ADGRL3: variants seen among roughly 807,000 people sequenced by gnomAD.
The protein encoded by ADGRL3 is calcium-independent alpha-latrotoxin receptor 3.
ADGRL3 carries 62 observed loss-of-function variants against 153.5 expected under a neutral mutation model. The ratio of observed to expected loss-of-function variants is 0.40; its 90% CI spans 0.33 to 0.50. ADGRL3 has a LOEUF of 0.50. Among genes scored for constraint, ADGRL3 ranks in the 20% least tolerant of loss-of-function variants. The pLI is 0.47. For synonymous variants in ADGRL3, 710 were observed against 672.5 expected, an observed-to-expected ratio of 1.06 and a Z score of -0.86; for missense variants, 1,641 against 1,859.4, an observed-to-expected ratio of 0.88 and a Z score of 2.16.
chr4:61,255,655 G>T (rs1285779696), intron 1 of ADGRL3, among the ~76,000 whole-genome samples: 1 of 152,028 alleles, frequency 6.6e-6, no homozygotes, highest in Non-Finnish European at 1.5e-5. Context: ...TTTTACAGAG[G>T]GGAAGCCAAG....
At chr4:61,570,202 C>A (rs1398882694) in intron 4 of ADGRL3, among the ~76,000 whole-genome samples, 1 of 151,984 alleles carries the variant, frequency 6.6e-6, no homozygotes, top group Non-Finnish European at 1.5e-5. Context: ...AATAAGTGAA[C>A]TTATCTTTGC....
At chr4:61,930,680 G>T (rs985138043) in intron 13 of ADGRL3, among the ~76,000 whole-genome samples, 21 of 152,034 alleles carry the variant, frequency 1.4e-4, no homozygotes, top group African/African-American at 5.1e-4. Context: ...TAATGCAAAT[G>T]TGTATCTAGT....
chr4:61,775,041 A>G (rs2097131663), intron 8 of ADGRL3, among the ~76,000 whole-genome samples: 1 of 152,114 alleles, frequency 6.6e-6, no homozygotes, highest in African/African-American at 2.4e-5. Context: ...ACCTTTGTAA[A>G]TTTGTAGTCT....
chr4:62,068,131 GT>G, intron 25 of ADGRL3, 34 bp from the exon 26 acceptor site: 2 of 1,499,042 alleles, frequency 1.3e-6, no homozygotes, highest in Non-Finnish European at 1.8e-6. Context: ...CTTACTTGTT[GT>G]TTTTTCTTTC....
chr4:61,585,628 T>C (rs1453964813), intron 4 of ADGRL3, among the ~76,000 whole-genome samples: 2 of 152,076 alleles, frequency 1.3e-5, no homozygotes, highest in African/African-American at 2.4e-5. Flanking sequence ...ACTGATTCTC[T>C]TAGTGTGGAA....
At chr4:61,385,879 C>G (rs938761620) in intron 2 of ADGRL3, 2 of 152,050 alleles carry the variant, frequency 1.3e-5, no homozygotes, top group African/African-American at 4.8e-5. Context: ...GACACAGACT[C>G]ACATTTTCTG....
intron 5 of ADGRL3, among the ~76,000 whole-genome samples, chr4:61,630,836 T>A (rs1407159668): frequency 6.6e-6 from 1 of 152,240 alleles, no homozygotes; most frequent in Non-Finnish European, 1.5e-5. Flanking sequence ...CCTTGAAAGA[T>A]GTCTACTTAC....
chr4:61,912,133 A>G (rs1317617854), intron 12 of ADGRL3, among the ~76,000 whole-genome samples: 2 of 152,186 alleles, frequency 1.3e-5, no homozygotes, highest in Non-Finnish European at 2.9e-5. Context: ...TTAATCAGAA[A>G]ATCACATCCT....
At chr4:61,663,975 G>A (rs951388839) in intron 5 of ADGRL3, among the ~76,000 whole-genome samples, 1 of 152,046 alleles carries the variant, frequency 6.6e-6, no homozygotes, top group Admixed American at 6.6e-5. Flanking sequence ...GTCAACTAAC[G>A]CAGTTATCAT....
chr4:61,800,610 G>A (rs2097482799), intron 8 of ADGRL3, among the ~76,000 whole-genome samples: 1 of 152,158 alleles, frequency 6.6e-6, no homozygotes, highest in South Asian at 2.1e-4. Context: ...TGTTTTGATA[G>A]GGAAGCTCTC....
At chr4:61,421,209 C>T (rs2097203071) in intron 2 of ADGRL3, among the ~76,000 whole-genome samples, 1 of 152,138 alleles carries the variant, frequency 6.6e-6, no homozygotes, top group Admixed American at 6.6e-5. Flanking sequence ...TGGCGGACGC[C>T]TGTAGTCCCA....
chr4:61,368,779 G>C (rs2096460903), intron 1 of ADGRL3, among the ~76,000 whole-genome samples: 1 of 152,154 alleles, frequency 6.6e-6, no homozygotes, highest in South Asian at 2.1e-4. Flanking sequence ...GGCATTGGTA[G>C]CTTGAGGGGG....
intron 24 of ADGRL3, among the ~76,000 whole-genome samples, chr4:62,041,149 G>A (rs1728064251): frequency 6.6e-6 from 1 of 152,072 alleles, no homozygotes; most frequent in African/African-American, 2.4e-5. Flanking sequence ...TAATCTGCAT[G>A]TAGTAAACAT....
intron 9 of ADGRL3, among the ~76,000 whole-genome samples, chr4:61,859,287 A>G (rs967163888): frequency 1.3e-5 from 2 of 152,190 alleles, no homozygotes; most frequent in East Asian, 1.9e-4. Context: ...TTTTTTCTAC[A>G]TATTAATTTA....
intron 1 of ADGRL3, among the ~76,000 whole-genome samples, chr4:61,330,617 G>A (rs577515298): frequency 2.6e-5 from 4 of 152,112 alleles, no homozygotes; most frequent in South Asian, 2.1e-4. Context: ...GAATGAAGCC[G>A]CAGACCTTCA....
chr4:61,677,137 G>T, intron 6 of ADGRL3: 1 of 496,210 alleles, frequency 2.0e-6, no homozygotes, highest in South Asian at 2.7e-5. Flanking sequence ...GCATTTACTT[G>T]TGATTATTTC....
chr4:61,735,645 A>G (rs757079889), intron 8 of ADGRL3, among the ~76,000 whole-genome samples: 2 of 152,182 alleles, frequency 1.3e-5, no homozygotes, highest in African/African-American at 2.4e-5. Context: ...TTGACTCTTA[A>G]CTGGAACAAG....
chr4:61,410,612 C>T (rs1456166553), intron 2 of ADGRL3, among the ~76,000 whole-genome samples: 1 of 152,166 alleles, frequency 6.6e-6, no homozygotes, highest in Non-Finnish European at 1.5e-5. Flanking sequence ...TCAGTTTCCT[C>T]TCCAGTGGAC....
At chr4:61,881,668 A>G (rs918552782) in intron 9 of ADGRL3, among the ~76,000 whole-genome samples, 1 of 152,186 alleles carries the variant, frequency 6.6e-6, no homozygotes, top group African/African-American at 2.4e-5. Context: ...GTGAGCCACC[A>G]CGCCTGGCTA....
Sources: gnomAD v4.1 joint callset for allele counts (sites outside exome capture counted in the v4.1 genomes callset) on GRCh38, gnomAD v4.1.1 for gene constraint, MANE v1.5 for transcripts, NCBI Gene and HGNC (gene_info 2026-07-23, HGNC 2026-07-21) for gene names.